Variants in GNAI2 observed in about 807,000 individuals in gnomAD.
GNAI2 encodes G protein subunit alpha i2, also known as guanine nucleotide-binding protein G(i) subunit alpha-2.
In GNAI2, 4 loss-of-function variants were observed where a neutral mutation model predicts 36.8. The observed-to-expected ratio is 0.11, with a 90% CI of 0.05 to 0.25. GNAI2 has a LOEUF of 0.25. Among genes scored for constraint, GNAI2 ranks in the 10% least tolerant of loss-of-function variants. The probability of loss-of-function intolerance (pLI) is 1.00; values close to 1 mark genes in which losing one functional copy is unlikely to be tolerated. For synonymous variants in GNAI2, 194 were observed against 194.1 expected, an observed-to-expected ratio of 1.00 and a Z score of 0.01; for missense variants, 230 against 481.3, an observed-to-expected ratio of 0.48 and a Z score of 4.89.
chr3:50,257,819 G>C, intron 8 of GNAI2, 105 bp downstream of exon 8: 1 of 576,132 alleles, frequency 1.7e-6, no homozygotes, highest in South Asian at 2.2e-5. Context: ...TGGAGGGGGA[G>C]GGGCAATAGG....
upstream of GNAI2, among the ~76,000 whole-genome samples, chr3:50,231,738 G>C (rs1331600176): frequency 2.0e-5 from 3 of 152,200 alleles, no homozygotes; most frequent in East Asian, 5.8e-4. Context: ...GCCAGGGAAT[G>C]AAAGGTGGGG....
In GNAI2 at chr3:50,253,257, G is replaced by A; in HGVS notation, c.464+73G>A. The A allele has an allele frequency of 8.1e-7, 1 of 1,231,566 alleles. No homozygotes were observed. The highest frequency in any genetic ancestry group is 1.1e-6 in the Non-Finnish European group (1 of 870,068). 76.3% of individuals were successfully genotyped at this position (1,231,566 alleles called of 1,614,324 possible). On this transcript the variant is annotated intron_variant, in intron 4 of 8. Transcript: ENST00000313601. This position sits in a 1 kb window ranked among gnomAD's most constrained non-coding sequence, Gnocchi z 4.2. ...GACTAAAGGCTGGACCGGAGGGCCT[G>A]AGAACCCCCAGAAGGACACTGCTGG...
chr3:50,252,065 G>A lies in GNAI2; in HGVS notation c.119-35G>A. 2 of 1,610,374 alleles carry A rather than the reference G, an allele frequency of 1.2e-6. No individual in the cohort carries two copies. The highest frequency in any genetic ancestry group is 1.7e-6 in the Non-Finnish European group (2 of 1,177,014). On this transcript the variant is annotated intron_variant, in intron 1 of 8. Transcript: ENST00000313601. The surrounding 1 kb of genome is among the most constrained non-coding windows in gnomAD (Gnocchi z 4.1). ...TTCTGTGCCTGTGGAGCCCCTCTGGGCCTGCCCCCTGACCACCTGTGCCCT... is the reference window on the plus strand; with the variant it reads ...TTCTGTGCCTGTGGAGCCCCTCTGGACCTGCCCCCTGACCACCTGTGCCCT...
At position 50,257,002 on chromosome 3, in the gene GNAI2, G is replaced by A. The variant is rs782512354; in HGVS notation, c.789G>A (p.Thr263=). ...GCAACAACAAGTGGTTCACAGACAC[G>A]TCCATCATCCTCTTCCTCAACAAGA... The part of the protein sequence containing the change: ...SICNNKWFTD[T]SIILFLNKKD... Residue 263 remains threonine, a synonymous_variant, in exon 7 of 9, where the codon ACG becomes ACA. Coordinates refer to ENST00000313601, the MANE Select transcript of GNAI2 (RefSeq NM_002070.4). 7 of 1,613,778 alleles carry A rather than the reference G, an allele frequency of 4.3e-6. No individual in the cohort carries two copies. Among genetic ancestry groups the A allele is most frequent in the African/African-American group, 1.3e-5 (1 of 74,902 alleles).
chr3:50,232,311 T>C (rs1700081294), upstream of GNAI2, among the ~76,000 whole-genome samples: 1 of 152,048 alleles, frequency 6.6e-6, no homozygotes, highest in Non-Finnish European at 1.5e-5. Flanking sequence ...GCTTGGGTGA[T>C]AGAGTCAGAC....
chr3:50,230,130 T>C (rs1215150062), upstream of GNAI2: 1 of 152,192 alleles, frequency 6.6e-6, no homozygotes, highest in Non-Finnish European at 1.5e-5. Flanking sequence ...CCCCCAGGCT[T>C]TTGAGTTTTC....
intron 1 of GNAI2, among the ~76,000 whole-genome samples, chr3:50,244,294 G>A (rs1700365702): frequency 6.6e-6 from 1 of 152,192 alleles, no homozygotes; most frequent in Non-Finnish European, 1.5e-5. Context: ...CTCCCAGAGT[G>A]CTGGGATTAC....
At chr3:50,245,887 T>C (rs1481419802) in intron 1 of GNAI2, among the ~76,000 whole-genome samples, 3 of 152,248 alleles carry the variant, frequency 2.0e-5, no homozygotes, top group Non-Finnish European at 4.4e-5. Context: ...TGCTCCCCTT[T>C]GGGCACTGTG....
chr3:50,233,470 G>T (rs140149938), upstream of GNAI2, among the ~76,000 whole-genome samples: 422 of 152,362 alleles, frequency 2.8e-3, 4 homozygotes, highest in African/African-American at 9.6e-3. Context: ...CTGGGGCAGG[G>T]TGACAGGTAG....
chr3:50,233,107 G>A (rs1700098593), upstream of GNAI2, among the ~76,000 whole-genome samples: 1 of 151,932 alleles, frequency 6.6e-6, no homozygotes, highest in South Asian at 2.1e-4. Flanking sequence ...GGCAAGCAGA[G>A]GCCTGGCCAT....
At position 50,256,264 on chromosome 3, in the gene GNAI2, C is replaced by T. The variant is rs146768972; in HGVS notation, c.537C>T (p.Arg179=). Residue 179 remains arginine, a synonymous_variant, in exon 5 of 9, where the codon CGC becomes CGT. Transcript: ENST00000313601. Reference sequence around the variant, plus strand: ...CACAGCAAGATGTGCTACGGACCCGCGTAAAGACCACGGGGATCGTGGAGA... The same window carrying T: ...CACAGCAAGATGTGCTACGGACCCGTGTAAAGACCACGGGGATCGTGGAGA... The part of the protein sequence containing the change: ...IPTQQDVLRT[R]VKTTGIVETH... 30 of 1,611,556 alleles carry T rather than the reference C, an allele frequency of 1.9e-5. No homozygotes were observed. Among genetic ancestry groups the T allele is most frequent in the African/African-American group, 1.2e-4 (9 of 74,720 alleles).
chr3:50,231,021 C>T, intron 1 of GNAI2: 1 of 926,208 alleles, frequency 1.1e-6, no homozygotes, highest in African/African-American at 1.8e-5. Flanking sequence ...AGCTCTCAGC[C>T]TTAATTTTCT....
upstream of GNAI2, among the ~76,000 whole-genome samples, chr3:50,227,644 CG>C (rs889655309): frequency 6.6e-6 from 1 of 152,220 alleles, no homozygotes; most frequent in African/African-American, 2.4e-5. This position sits in a 1 kb window ranked among gnomAD's most constrained non-coding sequence, Gnocchi z 5.9. Context: ...AGGCCAGAAT[CG>C]GGGGAGGACG....
At chr3:50,249,202 C>T (rs1161435023) in intron 1 of GNAI2, among the ~76,000 whole-genome samples, 1 of 152,154 alleles carries the variant, frequency 6.6e-6, no homozygotes, top group Non-Finnish European at 1.5e-5. Flanking sequence ...CCCATGACTT[C>T]GCATCCTTGG....
intron 1 of GNAI2, among the ~76,000 whole-genome samples, chr3:50,243,176 C>T (rs1032516611): frequency 5.3e-5 from 8 of 152,240 alleles, no homozygotes; most frequent in Admixed American, 1.3e-4. Flanking sequence ...ATTCTAGTGG[C>T]GGTCACTGAG....
chr3:50,244,881 G>A (rs1308196542), intron 1 of GNAI2, among the ~76,000 whole-genome samples: 8 of 152,158 alleles, frequency 5.3e-5, no homozygotes, highest in Non-Finnish European at 7.3e-5. Flanking sequence ...GCAGAGACCC[G>A]TGCATCCTCA....
upstream of GNAI2, among the ~76,000 whole-genome samples, chr3:50,232,014 T>C (rs1392420986): frequency 6.7e-6 from 1 of 148,592 alleles, no homozygotes; most frequent in Non-Finnish European, 1.5e-5. Context: ...CTGGACAACA[T>C]GGTGAGACTT....
upstream of GNAI2, among the ~76,000 whole-genome samples, chr3:50,232,805 A>G (rs1700092057): frequency 6.6e-6 from 1 of 151,918 alleles, no homozygotes; most frequent in African/African-American, 2.4e-5. Flanking sequence ...ACAGAGAACA[A>G]ATACAGATTG....
chr3:50,235,796 C>G (rs1382546579), upstream of GNAI2, among the ~76,000 whole-genome samples: 2 of 152,202 alleles, frequency 1.3e-5, no homozygotes, highest in African/African-American at 4.8e-5. Flanking sequence ...CTAACTCGCC[C>G]AACTCGCAGA....
Sources: gnomAD v4.1 joint callset for allele counts (sites outside exome capture counted in the v4.1 genomes callset) on GRCh38, gnomAD v4.1.1 for gene constraint, Gnocchi (gnomAD v3.1) non-coding constraint, MANE v1.5 for transcripts, NCBI Gene and HGNC (gene_info 2026-07-23, HGNC 2026-07-21) for gene names.